MYRIP: variants seen among roughly 807,000 people sequenced by gnomAD.
The protein encoded by MYRIP is rab effector MyRIP.
MYRIP carries 49 observed loss-of-function variants against 98.0 expected under a neutral mutation model. The observed-to-expected ratio is 0.50, with a 90% CI of 0.40 to 0.63. The LOEUF (loss-of-function observed/expected upper bound fraction) is 0.63, where lower values mean the gene tolerates loss of function less well. Among genes scored for constraint, MYRIP ranks in the 30% least tolerant of loss-of-function variants. The pLI is 0.00. For missense variants in MYRIP, 1,004 were observed against 1,058.2 expected (o/e 0.95, Z 0.71); for synonymous variants, 404 against 409.5 (o/e 0.99, Z 0.16).
Position 40,212,194 on chromosome 3 carries a change from ACATATATATACGTGTGTG to A in MYRIP, c.1905+2102_1905+2119del, listed in dbSNP as rs1262626481. Among the ~76,000 whole-genome samples, 334 of 50,452 alleles carry A rather than the reference ACATATATATACGTGTGTG, an allele frequency of 6.6e-3. 28 individuals carry two copies. Among genetic ancestry groups the A allele is most frequent in the African/African-American group, 0.014 (301 of 21,176 alleles). 33.1% of individuals were successfully genotyped at this position (50,452 alleles called of 152,430 possible). ...CATATATATACGTGTATGTGTATAT[ACATATATATACGTGTGTG>A]TATATATATATATACACACACACAC... On this transcript the variant is annotated intron_variant, in intron 11 of 16. Coordinates refer to ENST00000302541, the MANE Select transcript of MYRIP (RefSeq NM_015460.4).
intron 3 of MYRIP, among the ~76,000 whole-genome samples, chr3:40,080,207 T>G (rs972797752): frequency 6.6e-6 from 1 of 152,236 alleles, no homozygotes; most frequent in African/African-American, 2.4e-5. Flanking sequence ...GTTTTCCTTC[T>G]CCCTTAACTT....
chr3:40,157,034 G>T (rs938822166), intron 4 of MYRIP, among the ~76,000 whole-genome samples: 15 of 151,596 alleles, frequency 9.9e-5, no homozygotes, highest in African/African-American at 2.7e-4. Context: ...ACACTATGTT[G>T]AATAGGAGTG....
At chr3:40,212,793 G>C (rs1952001165) in intron 11 of MYRIP, among the ~76,000 whole-genome samples, 1 of 151,910 alleles carries the variant, frequency 6.6e-6, no homozygotes, top group Non-Finnish European at 1.5e-5. Context: ...AAGCATGGTG[G>C]TTAATGTCTG....
At chr3:39,859,414 C>CT (rs1411948424) in intron 1 of MYRIP, among the ~76,000 whole-genome samples, 1 of 152,188 alleles carries the variant, frequency 6.6e-6, no homozygotes, top group East Asian at 1.9e-4. Context: ...AAGCCCCAGA[C>CT]TAGATGACTT....
chr3:40,228,189 GTCCCC>G (rs1952543313), intron 11 of MYRIP, among the ~76,000 whole-genome samples: 1 of 152,160 alleles, frequency 6.6e-6, no homozygotes, highest in Non-Finnish European at 1.5e-5. Context: ...GGCCGCAGCT[GTCCCC>G]TTTTCACAGA....
intron 2 of MYRIP, among the ~76,000 whole-genome samples, chr3:40,016,100 G>A (rs1244414968): frequency 6.6e-6 from 1 of 152,006 alleles, no homozygotes; most frequent in Non-Finnish European, 1.5e-5. Context: ...AGGTAAGCAG[G>A]TGGCTTGGTC....
At chr3:40,050,913 G>C (rs931717454) in intron 3 of MYRIP, among the ~76,000 whole-genome samples, 1 of 152,278 alleles carries the variant, frequency 6.6e-6, no homozygotes, top group Admixed American at 6.5e-5. Flanking sequence ...AGTGGAGCCT[G>C]ACAGTGTACT....
At chr3:40,018,121 T>A (rs757123936) in intron 2 of MYRIP, among the ~76,000 whole-genome samples, 24 of 152,226 alleles carry the variant, frequency 1.6e-4, no homozygotes, top group Non-Finnish European at 3.1e-4. Flanking sequence ...AGGCACCTCC[T>A]TATTTGGCTG....
intron 1 of MYRIP, among the ~76,000 whole-genome samples, chr3:39,859,001 T>C (rs1420805260): frequency 6.6e-6 from 1 of 151,320 alleles, no homozygotes; most frequent in Non-Finnish European, 1.5e-5. Context: ...TAATAAGCTA[T>C]GTTCAACATC....
chr3:39,891,408 A>G (rs1382083297), intron 1 of MYRIP, among the ~76,000 whole-genome samples: 2 of 152,100 alleles, frequency 1.3e-5, no homozygotes, highest in African/African-American at 4.8e-5. Flanking sequence ...AATTCTTTAT[A>G]ATATCTGCAT....
At chr3:39,871,681 T>C (rs1340400357) in intron 1 of MYRIP, among the ~76,000 whole-genome samples, 2 of 152,150 alleles carry the variant, frequency 1.3e-5, no homozygotes, top group Admixed American at 6.5e-5. Flanking sequence ...TGATAGCTAC[T>C]ATCATTATTA....
intron 2 of MYRIP, among the ~76,000 whole-genome samples, chr3:40,014,298 TTAAGAAA>T (rs1360209430): frequency 4.6e-5 from 7 of 152,202 alleles, no homozygotes; most frequent in African/African-American, 1.7e-4. Context: ...TAAATAAATC[TTAAGAAA>T]TAATAAGGAG....
chr3:40,123,815 G>C (rs1235368044), intron 3 of MYRIP, among the ~76,000 whole-genome samples: 1 of 152,172 alleles, frequency 6.6e-6, no homozygotes, highest in Non-Finnish European at 1.5e-5. Flanking sequence ...GTGTTGAATG[G>C]CATCCTGTTT....
intron 2 of MYRIP, among the ~76,000 whole-genome samples, chr3:39,931,946 A>G (rs1270388826): frequency 6.6e-6 from 1 of 152,136 alleles, no homozygotes; most frequent in African/African-American, 2.4e-5. Flanking sequence ...TATATTCGTA[A>G]GGAATATTGG....
At chr3:39,845,208 A>T (rs995295177) in intron 1 of MYRIP, among the ~76,000 whole-genome samples, 2 of 152,122 alleles carry the variant, frequency 1.3e-5, no homozygotes, top group African/African-American at 4.8e-5. Context: ...GCAGCTGGAG[A>T]GGTAGAGTGC....
At position 39,996,530 on chromosome 3, in the gene MYRIP, A is replaced by T. The variant is rs1025991564; in HGVS notation, c.111-47520A>T. 3.9e-5 allele frequency among the ~76,000 whole-genome samples: 6 copies of T among 152,210 alleles called. No individual in the cohort carries two copies. The East Asian group carries it at 1.2e-3, about 29-fold the overall frequency. On this transcript the variant is annotated intron_variant, in intron 2 of 16. Coordinates refer to ENST00000302541, the MANE Select transcript of MYRIP (RefSeq NM_015460.4). Reference sequence around the variant, plus strand: ...CAATACAGGAGCACCCAGATTCATAAAGCAAGTCCTTAGAGACCTACAAAG... The same window carrying T: ...CAATACAGGAGCACCCAGATTCATATAGCAAGTCCTTAGAGACCTACAAAG...
chr3:40,135,799 G>A (rs1393455164), intron 3 of MYRIP, among the ~76,000 whole-genome samples: 1 of 152,174 alleles, frequency 6.6e-6, no homozygotes, highest in Non-Finnish European at 1.5e-5. Context: ...CATAAGTGAA[G>A]GAGAAATAAA....
At chr3:39,964,999 G>A (rs1328373721) in intron 2 of MYRIP, among the ~76,000 whole-genome samples, 1 of 152,022 alleles carries the variant, frequency 6.6e-6, no homozygotes, top group Non-Finnish European at 1.5e-5. Context: ...CCCGTTACCT[G>A]GATGGTGCAG....
intron 2 of MYRIP, among the ~76,000 whole-genome samples, chr3:40,025,782 G>T (rs983175217): frequency 1.3e-5 from 2 of 151,958 alleles, no homozygotes; most frequent in African/African-American, 4.8e-5. Context: ...AAGGGGAGGG[G>T]GTGTACGAAC....
Sources: allele counts gnomAD v4.1 joint callset (sites outside exome capture counted in the v4.1 genomes callset), GRCh38; gene constraint gnomAD v4.1.1; transcripts MANE v1.5; gene names NCBI Gene and HGNC (gene_info 2026-07-23, HGNC 2026-07-21).